The following ZFC3H1 variants were observed in gnomAD, a reference collection of about 807,000 sequenced individuals.
The protein encoded by ZFC3H1 is zinc finger C3H1 domain-containing protein.
In ZFC3H1, 71 loss-of-function variants were observed where a neutral mutation model predicts 243.7. The ratio of observed to expected loss-of-function variants is 0.29; its 90% CI spans 0.24 to 0.36. The LOEUF is 0.36. ZFC3H1 is among the 10% of genes least tolerant of loss of function. ZFC3H1 has a pLI of 1.00. For synonymous variants in ZFC3H1, 838 were observed against 813.0 expected (o/e 1.03, Z -0.52); for missense variants, 1,966 against 2,317.1 (o/e 0.85, Z 3.11).
intron 24 of ZFC3H1, among the ~76,000 whole-genome samples, chr12:71,621,966 A>G (rs1054304349): frequency 2.0e-5 from 3 of 152,148 alleles, no homozygotes; most frequent in African/African-American, 7.2e-5. Context: ...TCTCTTTCTT[A>G]AAGAACCTCT....
At position 71,620,330 on chromosome 12, in the gene ZFC3H1, C is replaced by A. The variant is rs754574026; in HGVS notation, c.4745-15G>T. On this transcript the variant is annotated splice_polypyrimidine_tract_variant and intron_variant, in intron 24 of 34. Coordinates refer to ENST00000378743, the MANE Select transcript of ZFC3H1 (RefSeq NM_144982.5). ...TTTCACTGCATCTACCCAAAAACATCACAACAACATGAATCACGTCAATCA... is the reference window on the plus strand; with the variant it reads ...TTTCACTGCATCTACCCAAAAACATAACAACAACATGAATCACGTCAATCA... 6.2e-7 allele frequency: 1 copy of A among 1,611,938 alleles called. No homozygotes were observed. Among genetic ancestry groups the A allele is most frequent in the African/African-American group, 1.3e-5 (1 of 74,980 alleles).
chr12:71,636,704 T>G (rs771537180), intron 8 of ZFC3H1, 50 bp from the exon 9 acceptor site: 1 of 1,565,938 alleles, frequency 6.4e-7, no homozygotes, highest in African/African-American at 1.4e-5. Context: ...AAAATAAATT[T>G]CTGCCACCTT....
chr12:71,632,243 T>A lies in ZFC3H1; in HGVS notation c.3089A>T (p.Asp1030Val), dbSNP rs753517344. ...ACCAGACAAAATTTCATCATCAACA[T>A]CATTTTCTTCAGTGTCCAGGGTTAA... is the stretch of plus-strand genomic sequence containing the variant. The part of the protein sequence containing the change: ...DKLTLDTEEN[D>V]VDDEILSGSS... The change falls in exon 15 of 35, where the codon GAT becomes GTT. Residue 1030 changes from aspartate to valine, a missense_variant. Asp to Val is a radical substitution (Grantham distance 152, BLOSUM62 -3). Coordinates refer to ENST00000378743, the MANE Select transcript of ZFC3H1 (RefSeq NM_144982.5). 19 of 1,611,922 alleles carry A rather than the reference T, an allele frequency of 1.2e-5. No individual in the cohort carries two copies. The highest frequency in any genetic ancestry group is 1.6e-5 in the Non-Finnish European group (19 of 1,179,310).
chr12:71,639,254 CCA>C (rs2137542856), intron 6 of ZFC3H1: 1 of 153,698 alleles, frequency 6.5e-6, no homozygotes, highest in South Asian at 2.0e-4. Context: ...CTTCTTTATC[CCA>C]GTTGTCTCAC....
intron 31 of ZFC3H1, among the ~76,000 whole-genome samples, chr12:71,612,803 A>G (rs1374396071): frequency 1.3e-5 from 2 of 152,182 alleles, no homozygotes; most frequent in Non-Finnish European, 2.9e-5. Flanking sequence ...GATTTGCTGT[A>G]TCAGAGCAGA....
At chr12:71,645,455 G>T (rs957950750) in intron 3 of ZFC3H1, among the ~76,000 whole-genome samples, 3 of 152,194 alleles carry the variant, frequency 2.0e-5, no homozygotes, top group African/African-American at 7.2e-5. Context: ...CCCAGGAGAG[G>T]TAAGGAAAGA....
At chr12:71,642,923 T>C (rs1880635273) in intron 5 of ZFC3H1, among the ~76,000 whole-genome samples, 1 of 152,154 alleles carries the variant, frequency 6.6e-6, no homozygotes, top group African/African-American at 2.4e-5. Context: ...TTTTATGTCA[T>C]CACGACTACA....
rs1260239284 is a variant in ZFC3H1 at position 71,663,605 on chromosome 12, C to T, written c.6G>A (p.Ala2=). The change falls in exon 1 of 35, where the codon GCG becomes GCA. Residue 2 remains alanine, a synonymous_variant. Transcript: ENST00000378743. M[A]TADTPAPASS... is the part of the protein sequence containing the mutation. The stretch of plus-strand genomic sequence containing the variant: ...AGGCCGGGGCCGGAGTATCTGCGGT[C>T]GCCATCCGGGGAGCAGCGCCTTCCA... The T allele has an allele frequency of 2.5e-6, 4 of 1,608,366 alleles. No homozygotes were observed. Among genetic ancestry groups the T allele is most frequent in the African/African-American group, 2.7e-5 (2 of 74,926 alleles).
chr12:71,645,617 T>C (rs929319035), intron 3 of ZFC3H1, among the ~76,000 whole-genome samples: 2 of 152,190 alleles, frequency 1.3e-5, no homozygotes, highest in Non-Finnish European at 2.9e-5. Context: ...GAAAAATCTA[T>C]AGAGATTTGC....
chr12:71,615,330 T>A lies in ZFC3H1; in HGVS notation c.5145-14A>T, dbSNP rs757355276. Reference sequence around the variant, plus strand: ...TTTAAGAGATACCTGAAAAAAAAAATCCAAATATTGTTTTAAATTACACCT... The same window carrying A: ...TTTAAGAGATACCTGAAAAAAAAAAACCAAATATTGTTTTAAATTACACCT... On this transcript the variant is annotated splice_polypyrimidine_tract_variant and intron_variant, in intron 27 of 34. Transcript: ENST00000378743. 7.9e-6 allele frequency: 12 copies of A among 1,523,368 alleles called. No individual in the cohort carries two copies. In the Admixed American group the frequency reaches 2.1e-4, roughly 27 times the overall value. The allele number at this position is 1,523,368 out of a possible 1,614,324, so 94.4% of individuals were successfully genotyped here.
chr12:71,638,351 T>C, intron 7 of ZFC3H1, 67 bp downstream of exon 7: 2 of 1,491,322 alleles, frequency 1.3e-6, no homozygotes, highest in Non-Finnish European at 1.8e-6. Context: ...ACCTAACCAT[T>C]CGTTTTTAAA....
At chr12:71,661,152 A>C (rs1356604621) in intron 1 of ZFC3H1, among the ~76,000 whole-genome samples, 1 of 151,744 alleles carries the variant, frequency 6.6e-6, no homozygotes, top group Non-Finnish European at 1.5e-5. Flanking sequence ...AAATATAAAA[A>C]ATTAGCCGGG....
At chr12:71,636,779 C>A in intron 8 of ZFC3H1, 71 bp downstream of exon 8, 1 of 1,572,086 alleles carries the variant, frequency 6.4e-7, no homozygotes, top group Non-Finnish European at 8.6e-7. Flanking sequence ...GCCCAAGTAA[C>A]CAGAAAAAAG....
chr12:71,637,089 C>T (rs768130410), intron 7 of ZFC3H1, 30 bp from the exon 8 acceptor site: 9 of 1,578,370 alleles, frequency 5.7e-6, no homozygotes, highest in South Asian at 4.6e-5. Flanking sequence ...AGAATTACAA[C>T]GCAAATTTTA....
chr12:71,661,265 A>AC (rs1429916330), intron 1 of ZFC3H1, among the ~76,000 whole-genome samples: 1 of 151,660 alleles, frequency 6.6e-6, no homozygotes, highest in Non-Finnish European at 1.5e-5. Flanking sequence ...ACACCACTGC[A>AC]CTCCAGCCTG....
At chr12:71,649,091 CAAAAAAAAA>C (rs35231608) in intron 2 of ZFC3H1, among the ~76,000 whole-genome samples, 1 of 89,832 alleles carries the variant, frequency 1.1e-5, no homozygotes, top group Non-Finnish European at 2.4e-5. Context: ...ACTCTTGTCT[CAAAAAAAAA>C]AAAAAAAAAA....
intron 9 of ZFC3H1, 110 bp from the exon 10 acceptor site, chr12:71,635,690 T>C (rs1328066599): frequency 8.3e-6 from 9 of 1,089,104 alleles, no homozygotes; most frequent in Middle Eastern, 3.2e-4. Flanking sequence ...CTATGGCTCC[T>C]TCTAGGGTTG....
chr12:71,635,596 A>AT lies in ZFC3H1; in HGVS notation c.2101-17dup, dbSNP rs1349454606. On this transcript the variant is annotated splice_polypyrimidine_tract_variant and intron_variant, in intron 9 of 34. Transcript: ENST00000378743. ...GCTTTGGAAGCTGCAAAGACAATATATTTATTACTCGTGATAACAAAAGGA... is the reference window on the plus strand; with the variant it reads ...GCTTTGGAAGCTGCAAAGACAATATATTTTATTACTCGTGATAACAAAAGGA... 1 of 1,519,500 alleles carries AT rather than the reference A, an allele frequency of 6.6e-7. No homozygotes were observed. The highest frequency in any genetic ancestry group is 8.7e-7 in the Non-Finnish European group (1 of 1,144,178). 94.1% of individuals were successfully genotyped at this position (1,519,500 alleles called of 1,614,324 possible).
At chr12:71,611,985 G>T in intron 31 of ZFC3H1, 98 bp from the exon 32 acceptor site, 1 of 651,712 alleles carries the variant, frequency 1.5e-6, no homozygotes, top group East Asian at 3.1e-5. Context: ...ATTTTGATTA[G>T]TTAAATTCCA....
Sources: gnomAD v4.1 joint callset for allele counts (sites outside exome capture counted in the v4.1 genomes callset) on GRCh38, gnomAD v4.1.1 for gene constraint, MANE v1.5 for transcripts, NCBI Gene and HGNC (gene_info 2026-07-23, HGNC 2026-07-21) for gene names.